The following SEMA3D variants were observed in gnomAD, a reference collection of about 807,000 sequenced individuals.
SEMA3D encodes the protein semaphorin-3D.
In SEMA3D, 84 loss-of-function variants were observed where a neutral mutation model predicts 100.1. The ratio of observed to expected loss-of-function variants is 0.84; its 90% confidence interval spans 0.70 to 1.01. The LOEUF (loss-of-function observed/expected upper bound fraction) is 1.01, where lower values mean the gene tolerates loss of function less well. Ranked by LOEUF, SEMA3D falls within the 50% of genes least tolerant of loss-of-function variation. SEMA3D has a pLI of 0.00. For synonymous variants in SEMA3D, 312 were observed against 320.7 expected (o/e 0.97, Z 0.29); for missense variants, 875 against 934.1 (o/e 0.94, Z 0.82).
the SEMA3D span, among the ~76,000 whole-genome samples, chr7:85,236,710 A>G: frequency 6.6e-6 from 1 of 152,222 alleles, no homozygotes; most frequent in African/African-American, 2.4e-5. Flanking sequence ...CATAAACTTA[A>G]TATGATAAGA....
chr7:85,195,378 C>A, the SEMA3D span, among the ~76,000 whole-genome samples: 1 of 152,106 alleles, frequency 6.6e-6, no homozygotes, highest in Admixed American at 6.6e-5. Context: ...CCAGACTTTG[C>A]CAAACATTGG....
At chr7:85,124,413 T>C (rs2116412445) in intron 2 of SEMA3D, among the ~76,000 whole-genome samples, 1 of 152,074 alleles carries the variant, frequency 6.6e-6, no homozygotes, top group African/African-American at 2.4e-5. Flanking sequence ...TATATTCACT[T>C]ATATATATTC....
intron 2 of SEMA3D, among the ~76,000 whole-genome samples, chr7:85,137,137 A>T (rs1789890473): frequency 6.6e-6 from 1 of 152,052 alleles, no homozygotes; most frequent in South Asian, 2.1e-4. Flanking sequence ...CAATGTTATT[A>T]AATCTTATTT....
chr7:85,123,273 A>T (rs938568799), intron 2 of SEMA3D, among the ~76,000 whole-genome samples: 1 of 152,096 alleles, frequency 6.6e-6, no homozygotes, highest in Non-Finnish European at 1.5e-5. Flanking sequence ...CATGTTAATT[A>T]ACTTACTGCT....
At chr7:85,140,580 T>G (rs923318729) in intron 2 of SEMA3D, 88 of 939,410 alleles carry the variant, frequency 9.4e-5, no homozygotes, top group Non-Finnish European at 1.1e-4. Context: ...GTTTTATCTA[T>G]ATCTATATCT....
the SEMA3D span, among the ~76,000 whole-genome samples, chr7:85,211,774 T>C: frequency 3.3e-5 from 5 of 152,086 alleles, no homozygotes; most frequent in Non-Finnish European, 7.4e-5. Context: ...AAGATGAGAA[T>C]GAAGATCGTT....
At chr7:85,127,722 C>T (rs1300578551) in intron 2 of SEMA3D, among the ~76,000 whole-genome samples, 2 of 152,100 alleles carry the variant, frequency 1.3e-5, no homozygotes, top group African/African-American at 2.4e-5. Context: ...CTCTTCAAAG[C>T]AGCAATTGAT....
chr7:85,181,753 A>G (rs1212105956), intron 1 of SEMA3D: 2 of 978,480 alleles, frequency 2.0e-6, no homozygotes, highest in African/African-American at 3.5e-5. Context: ...CAAATGAGTG[A>G]GCAAACTGAA....
At chr7:85,109,880 T>G (rs1371627396) in intron 3 of SEMA3D, among the ~76,000 whole-genome samples, 7 of 152,086 alleles carry the variant, frequency 4.6e-5, no homozygotes, top group East Asian at 1.9e-4. Flanking sequence ...CCTCAATAGT[T>G]TATAGAATAG....
At chr7:85,206,913 A>G in the SEMA3D span, among the ~76,000 whole-genome samples, 1 of 152,100 alleles carries the variant, frequency 6.6e-6, no homozygotes, top group Non-Finnish European at 1.5e-5. Context: ...TCCTATAATT[A>G]ATACATTTTC....
At chr7:85,059,584 T>C (rs528595006) in intron 8 of SEMA3D, among the ~76,000 whole-genome samples, 92 of 152,228 alleles carry the variant, frequency 6.0e-4, no homozygotes, top group African/African-American at 2.1e-3. Flanking sequence ...AAAAATAACA[T>C]AGTGGTACAA....
intron 1 of SEMA3D, among the ~76,000 whole-genome samples, chr7:85,166,600 T>TC (rs1790912900): frequency 6.6e-6 from 1 of 151,982 alleles, no homozygotes; most frequent in African/African-American, 2.4e-5. Context: ...CATTTGCAGA[T>TC]GTTGAATCTA....
the SEMA3D span, among the ~76,000 whole-genome samples, chr7:85,240,909 T>A: frequency 3.3e-5 from 5 of 152,172 alleles, no homozygotes; most frequent in Non-Finnish European, 5.9e-5. Flanking sequence ...ATCTTCACAA[T>A]CTATTCATCT....
chr7:85,238,921 TA>T, the SEMA3D span, among the ~76,000 whole-genome samples: 77 of 152,280 alleles, frequency 5.1e-4, no homozygotes, highest in African/African-American at 1.8e-3. Flanking sequence ...TTTAGATTTA[TA>T]CCTCAGTATT....
At chr7:85,218,870 T>G in the SEMA3D span, among the ~76,000 whole-genome samples, 1,019 of 152,228 alleles carry the variant, frequency 6.7e-3, 10 homozygotes, top group Non-Finnish European at 9.9e-3. Flanking sequence ...AGGTTCCAAC[T>G]GTCACAGATC....
intron 2 of SEMA3D, among the ~76,000 whole-genome samples, chr7:85,144,978 T>A (rs1316794830): frequency 6.6e-6 from 1 of 152,132 alleles, no homozygotes; most frequent in Non-Finnish European, 1.5e-5. Context: ...TTGTGTTTGG[T>A]TTGGTTTAAT....
chr7:85,056,890 C>CATATATATATATATATATATATATAT (rs10525654), intron 8 of SEMA3D, among the ~76,000 whole-genome samples: 14 of 138,562 alleles, frequency 1.0e-4, no homozygotes, highest in African/African-American at 1.8e-4. Flanking sequence ...ACATATACAG[C>CATATATATATATATATATATATATAT]ATATATATAT....
At chr7:85,111,717 G>T (rs1451370273) in intron 3 of SEMA3D, among the ~76,000 whole-genome samples, 1 of 152,140 alleles carries the variant, frequency 6.6e-6, no homozygotes, top group East Asian at 1.9e-4. Flanking sequence ...TTCTCCAGTG[G>T]ATTCCCATAA....
intron 1 of SEMA3D, 28 bp downstream of exon 1, chr7:85,186,650 A>G (rs1489197733): frequency 6.6e-6 from 1 of 152,382 alleles, no homozygotes; most frequent in Non-Finnish European, 1.5e-5. Context: ...CTCCCACTGG[A>G]GTAGCAGGTG....
Sources: gnomAD v4.1 joint callset for allele counts (sites outside exome capture counted in the v4.1 genomes callset) on GRCh38, gnomAD v4.1.1 for gene constraint, MANE v1.5 for transcripts, NCBI Gene and HGNC (gene_info 2026-07-23, HGNC 2026-07-21) for gene names.